Variants in MARCHF1 observed in about 807,000 individuals in gnomAD.
The protein encoded by MARCHF1 is E3 ubiquitin-protein ligase MARCHF1.
A neutral mutation model predicts 54.2 loss-of-function variants in MARCHF1; 40 were observed. That is an observed-to-expected ratio of 0.74 (90% confidence interval 0.57 to 0.96). MARCHF1 has a LOEUF of 0.96. Ranked by LOEUF, MARCHF1 falls within the 40% of genes least tolerant of loss-of-function variation. The pLI is 0.00. For synonymous variants in MARCHF1, 236 were observed against 236.3 expected (o/e 1.00, Z 0.01); for missense variants, 586 against 656.5 (o/e 0.89, Z 1.17).
intron 8 of MARCHF1, among the ~76,000 whole-genome samples, chr4:163,580,175 T>C (rs910827020): frequency 7.2e-5 from 11 of 151,892 alleles, no homozygotes; most frequent in Admixed American, 2.0e-4. Flanking sequence ...ACCTCCCAGG[T>C]TCAACCAATT....
At chr4:164,049,325 C>T (rs189129959) in intron 2 of MARCHF1, among the ~76,000 whole-genome samples, 1 of 152,324 alleles carries the variant, frequency 6.6e-6, no homozygotes, top group East Asian at 1.9e-4. Flanking sequence ...ACCTCCCACC[C>T]ACCAGGTCCC....
intron 1 of MARCHF1, among the ~76,000 whole-genome samples, chr4:164,258,644 T>A (rs1397627821): frequency 6.6e-6 from 1 of 152,146 alleles, no homozygotes; most frequent in African/African-American, 2.4e-5. Flanking sequence ...TACTTCAAGG[T>A]TCATGTTTTG....
intron 4 of MARCHF1, among the ~76,000 whole-genome samples, chr4:163,767,891 A>AC (rs1334164799): frequency 1.3e-5 from 2 of 152,232 alleles, no homozygotes; most frequent in Non-Finnish European, 2.9e-5. Context: ...CACAAATGTT[A>AC]CCACCAATGA....
At chr4:164,196,449 C>T (rs1731261576) in intron 1 of MARCHF1, among the ~76,000 whole-genome samples, 7 of 151,924 alleles carry the variant, frequency 4.6e-5, no homozygotes, top group Admixed American at 4.6e-4. Flanking sequence ...CAAAAATTTG[C>T]TTTAGCAAAT....
chr4:164,255,224 G>A (rs770235799), intron 1 of MARCHF1, among the ~76,000 whole-genome samples: 18 of 151,900 alleles, frequency 1.2e-4, no homozygotes, highest in South Asian at 2.1e-4. Flanking sequence ...AAATATCTCC[G>A]TTCTTGTATT....
intron 1 of MARCHF1, among the ~76,000 whole-genome samples, chr4:164,176,941 G>GCTCT (rs57770641): frequency 1.1e-3 from 62 of 58,132 alleles, no homozygotes; most frequent in East Asian, 2.6e-3. Flanking sequence ...TACCTTGTGC[G>GCTCT]CTCTCTCTCT....
At chr4:163,702,214 C>T (rs141365853) in intron 4 of MARCHF1, among the ~76,000 whole-genome samples, 1 of 152,278 alleles carries the variant, frequency 6.6e-6, no homozygotes, top group Admixed American at 6.5e-5. Flanking sequence ...CAGCTCATAA[C>T]AGCCCCATGC....
intron 1 of MARCHF1, among the ~76,000 whole-genome samples, chr4:164,343,699 T>C (rs756888561): frequency 1.3e-5 from 2 of 152,158 alleles, no homozygotes; most frequent in Non-Finnish European, 2.9e-5. Context: ...CCAGTCAGAA[T>C]GGCTATTATT....
At chr4:163,860,686 T>C (rs2111189701) in intron 3 of MARCHF1, among the ~76,000 whole-genome samples, 1 of 152,252 alleles carries the variant, frequency 6.6e-6, no homozygotes, top group Middle Eastern at 3.4e-3. Context: ...CAACAAGGCT[T>C]AAGGTAAAAC....
intron 4 of MARCHF1, among the ~76,000 whole-genome samples, chr4:163,801,739 G>T (rs1198167745): frequency 1.3e-5 from 2 of 151,870 alleles, no homozygotes; most frequent in African/African-American, 2.4e-5. Flanking sequence ...CGTTAATTTT[G>T]CTTGTTTTAA....
At chr4:163,875,444 G>A (rs995124106) in intron 3 of MARCHF1, among the ~76,000 whole-genome samples, 9 of 152,076 alleles carry the variant, frequency 5.9e-5, no homozygotes, top group Non-Finnish European at 1.2e-4. Flanking sequence ...AATTGGTGAT[G>A]ATTAAAATCT....
At position 163,725,598 on chromosome 4, in the gene MARCHF1, A is replaced by T. The variant is rs192520745; in HGVS notation, c.112-24735T>A. 1.9e-3 allele frequency among the ~76,000 whole-genome samples: 284 copies of T among 152,356 alleles called. 2 individuals are homozygous for T. The highest frequency in any genetic ancestry group is 6.6e-3 in the African/African-American group (276 of 41,586). On this transcript the variant is annotated intron_variant, in intron 4 of 9. Coordinates refer to ENST00000514618, the MANE Select transcript of MARCHF1 (RefSeq NM_001394959.1). ...ATGAATTATACATTTTCCATTCAAT[A>T]AGTGCTTTAAAATTAATTTAAAACT...
chr4:164,365,590 G>A (rs1337666679), intron 1 of MARCHF1, among the ~76,000 whole-genome samples: 2 of 151,916 alleles, frequency 1.3e-5, no homozygotes, highest in Non-Finnish European at 2.9e-5. Flanking sequence ...TATGTATAAG[G>A]CCTTTGTAAG....
chr4:163,921,139 A>C (rs1751420969), intron 3 of MARCHF1, among the ~76,000 whole-genome samples: 1 of 152,182 alleles, frequency 6.6e-6, no homozygotes, highest in Non-Finnish European at 1.5e-5. Context: ...GTAAAATATC[A>C]GATAAGAAAC....
At chr4:163,703,209 C>G (rs959327140) in intron 4 of MARCHF1, among the ~76,000 whole-genome samples, 1 of 152,004 alleles carries the variant, frequency 6.6e-6, no homozygotes, top group African/African-American at 2.4e-5. Context: ...TCATGGTGAT[C>G]ATCATAGGTC....
At chr4:163,657,062 C>T (rs1364441536) in intron 5 of MARCHF1, among the ~76,000 whole-genome samples, 1 of 151,922 alleles carries the variant, frequency 6.6e-6, no homozygotes, top group Non-Finnish European at 1.5e-5. Context: ...CCAGGGCAAT[C>T]AGGCAAGAGA....
rs35543676 is a variant in MARCHF1, at chr4:164,340,916, C to CAAAA, written c.-323+42950_-323+42953dup. Among the ~76,000 whole-genome samples, 271 of 96,340 alleles carry CAAAA rather than the reference C, an allele frequency of 2.8e-3. 3 individuals carry two copies. Among genetic ancestry groups the CAAAA allele is most frequent in the African/African-American group, 9.3e-3 (259 of 27,772 alleles). 63.2% of individuals were successfully genotyped at this position (96,340 alleles called of 152,430 possible). A position where few individuals can be genotyped will look rare whatever the true frequency, so the allele number is the denominator to read the frequency against. ...ATACCAAAGACAGCTGAGGGCACTA[C>CAAAA]AAAAAAAAAAAAAAAAAAGTTACAG... On this transcript the variant is annotated intron_variant, in intron 1 of 9. Transcript: ENST00000514618.
At chr4:164,100,457 G>T (rs564885986) in intron 2 of MARCHF1, among the ~76,000 whole-genome samples, 1 of 152,150 alleles carries the variant, frequency 6.6e-6, no homozygotes, top group Non-Finnish European at 1.5e-5. Flanking sequence ...ATTTAATCCT[G>T]CACACAGGTA....
chr4:163,671,732 A>G (rs1743745322), intron 5 of MARCHF1, among the ~76,000 whole-genome samples: 2 of 152,110 alleles, frequency 1.3e-5, no homozygotes, highest in African/African-American at 4.8e-5. Flanking sequence ...AAAACTCTGA[A>G]TGGTATGTAA....
Sources: gnomAD v4.1 joint callset for allele counts (sites outside exome capture counted in the v4.1 genomes callset) on GRCh38, gnomAD v4.1.1 for gene constraint, MANE v1.5 for transcripts, NCBI Gene and HGNC (gene_info 2026-07-23, HGNC 2026-07-21) for gene names.